CDH8: variants seen among roughly 807,000 people sequenced by gnomAD.
CDH8 encodes the protein cadherin 8.
A neutral mutation model predicts 68.1 loss-of-function variants in CDH8; 17 were observed. The observed-to-expected ratio is 0.25, with a 90% CI of 0.17 to 0.37. The LOEUF is 0.37. Among genes scored for constraint, CDH8 ranks in the 10% least tolerant of loss-of-function variants. CDH8 has a pLI of 1.00. For synonymous variants in CDH8, 372 were observed against 365.1 expected (o/e 1.02, Z -0.21); for missense variants, 763 against 999.3 (o/e 0.76, Z 3.19).
intron 2 of CDH8, among the ~76,000 whole-genome samples, chr16:61,968,321 G>A (rs996497252): frequency 6.6e-6 from 1 of 152,174 alleles, no homozygotes. Flanking sequence ...TCTATTGAGT[G>A]ATGTGTCAAG....
intron 8 of CDH8, among the ~76,000 whole-genome samples, chr16:61,782,236 C>T (rs903350749): frequency 1.3e-5 from 2 of 152,184 alleles, no homozygotes; most frequent in South Asian, 2.1e-4. Flanking sequence ...GTGCGCGCAC[C>T]GTCCGCGAGC....
intron 3 of CDH8, among the ~76,000 whole-genome samples, chr16:61,861,917 T>C (rs1963157389): frequency 1.3e-5 from 2 of 152,174 alleles, no homozygotes; most frequent in Admixed American, 1.3e-4. Context: ...TGTATACAGG[T>C]AAAACTAACA....
chr16:61,925,022 T>C (rs1175436071), intron 2 of CDH8, among the ~76,000 whole-genome samples: 3 of 152,212 alleles, frequency 2.0e-5, no homozygotes. Flanking sequence ...TCATAATTAA[T>C]ACGCTCCTAA....
intron 2 of CDH8, among the ~76,000 whole-genome samples, chr16:61,979,096 A>G (rs1176043634): frequency 6.6e-6 from 1 of 152,050 alleles, no homozygotes. Context: ...ATCTCAGCCC[A>G]AAGCCAGAGC....
intron 10 of CDH8, among the ~76,000 whole-genome samples, chr16:61,689,381 T>C (rs574873214): frequency 6.6e-5 from 10 of 151,980 alleles, no homozygotes; most frequent in African/African-American, 4.8e-5. Context: ...TTAAAGTACC[T>C]GGCCCATAAG....
At chr16:61,981,679 T>TGCGC (rs911560498) in intron 2 of CDH8, among the ~76,000 whole-genome samples, 4 of 148,142 alleles carry the variant, frequency 2.7e-5, no homozygotes, top group African/African-American at 1.0e-4. Flanking sequence ...TGTGTGTGTG[T>TGCGC]GTGCGCGCGC....
At chr16:61,876,096 C>T (rs1219441669) in intron 3 of CDH8, among the ~76,000 whole-genome samples, 2 of 152,016 alleles carry the variant, frequency 1.3e-5, no homozygotes, top group Non-Finnish European at 2.9e-5. Flanking sequence ...AGGATGGTCT[C>T]AATCTCCTGA....
intron 10 of CDH8, among the ~76,000 whole-genome samples, chr16:61,671,275 A>G (rs1963787913): frequency 6.6e-6 from 1 of 152,046 alleles, no homozygotes; most frequent in South Asian, 2.1e-4. Flanking sequence ...GGGATGCCTG[A>G]TAGCCCTTTC....
chr16:61,795,383 A>G (rs886948216), intron 7 of CDH8, among the ~76,000 whole-genome samples: 1 of 152,024 alleles, frequency 6.6e-6, no homozygotes, highest in Admixed American at 6.6e-5. Flanking sequence ...CAACCTGAGG[A>G]GCCAGAGAGT....
In CDH8 at chr16:61,653,295, A is replaced by G. The variant is rs1963365490; in HGVS notation, c.*313T>C. 2.5e-6 allele frequency: 3 copies of G among 1,183,194 alleles called. No homozygotes were observed. Among genetic ancestry groups the G allele is most frequent in the Non-Finnish European group, 2.1e-6 (2 of 959,414 alleles). 73.3% of individuals were successfully genotyped at this position (1,183,194 alleles called of 1,614,324 possible). A position where few individuals can be genotyped will look rare whatever the true frequency, so the allele number is the denominator to read the frequency against. On this transcript the variant is annotated 3_prime_UTR_variant, in exon 12 of 12. Coordinates refer to ENST00000577390, the MANE Select transcript of CDH8 (RefSeq NM_001796.5). Reference sequence around the variant, plus strand: ...CCTTTTAATTATGATTTTTTCCTCTATTTAAACCATTTATCTAAGGATTAG... The same window carrying G: ...CCTTTTAATTATGATTTTTTCCTCTGTTTAAACCATTTATCTAAGGATTAG...
At chr16:61,850,780 C>A (rs951027852) in intron 4 of CDH8, among the ~76,000 whole-genome samples, 3 of 151,896 alleles carry the variant, frequency 2.0e-5, no homozygotes, top group Admixed American at 6.6e-5. Flanking sequence ...TCTCTGTTAT[C>A]ACTACTCTAA....
chr16:62,014,349 G>A (rs1214969556), intron 2 of CDH8, among the ~76,000 whole-genome samples: 1 of 152,178 alleles, frequency 6.6e-6, no homozygotes, highest in Non-Finnish European at 1.5e-5. Context: ...CATTGGACAA[G>A]AGGGAGCCAA....
At chr16:61,848,510 G>A (rs1424506800) in intron 4 of CDH8, among the ~76,000 whole-genome samples, 1 of 151,998 alleles carries the variant, frequency 6.6e-6, no homozygotes, top group African/African-American at 2.4e-5. Context: ...TTGGAGTGGG[G>A]GGATTATTTT....
chr16:61,768,304 GTCTCTCCCTTTCTC>G (rs1567461015), intron 8 of CDH8, among the ~76,000 whole-genome samples: 3 of 73,688 alleles, frequency 4.1e-5, no homozygotes, highest in Non-Finnish European at 8.8e-5. Flanking sequence ...CTCTCTCTGT[GTCTCTCCCTTTCTC>G]TCTCTCTCTC....
intron 2 of CDH8, among the ~76,000 whole-genome samples, chr16:61,927,759 T>C (rs936039426): frequency 1.3e-5 from 2 of 152,190 alleles, no homozygotes; most frequent in South Asian, 2.1e-4. Context: ...TCAGTAGACA[T>C]GGCATGAGGG....
chr16:61,972,675 C>T (rs1016051031), intron 2 of CDH8, among the ~76,000 whole-genome samples: 4 of 150,120 alleles, frequency 2.7e-5, no homozygotes, highest in Admixed American at 2.0e-4. Flanking sequence ...GTAATTGGAC[C>T]ATGAGCAGGA....
chr16:62,001,297 A>T (rs1965890479), intron 2 of CDH8, among the ~76,000 whole-genome samples: 1 of 152,198 alleles, frequency 6.6e-6, no homozygotes, highest in Non-Finnish European at 1.5e-5. Context: ...TGGAATTTTC[A>T]CTTCATCTCC....
chr16:61,960,695 C>T (rs1025617336), intron 2 of CDH8, among the ~76,000 whole-genome samples: 10 of 152,040 alleles, frequency 6.6e-5, no homozygotes, highest in Non-Finnish European at 1.2e-4. Context: ...TTACCTGTTG[C>T]CCTCCTTCCT....
chr16:61,972,399 G>A (rs1269736332), intron 2 of CDH8, among the ~76,000 whole-genome samples: 1 of 152,154 alleles, frequency 6.6e-6, no homozygotes, highest in Non-Finnish European at 1.5e-5. Context: ...GTAGTTAGGT[G>A]GGTTTTGAAT....
Sources: gnomAD v4.1 joint callset for allele counts (sites outside exome capture counted in the v4.1 genomes callset) on GRCh38, gnomAD v4.1.1 for gene constraint, MANE v1.5 for transcripts, NCBI Gene and HGNC (gene_info 2026-07-23, HGNC 2026-07-21) for gene names.